Variants in NCALD observed in about 807,000 individuals in gnomAD.
NCALD encodes the protein neurocalcin-delta.
In NCALD, 10 loss-of-function variants were observed where a neutral mutation model predicts 18.6. That is an observed-to-expected ratio of 0.54 (90% CI 0.33 to 0.91). NCALD has a LOEUF of 0.91. Ranked by LOEUF, NCALD falls within the 40% of genes least tolerant of loss-of-function variation. NCALD has a pLI of 0.03. For missense variants in NCALD, 184 were observed against 247.6 expected (o/e 0.74, Z 1.72); for synonymous variants, 88 against 87.4 (o/e 1.01, Z -0.04).
chr8:102,063,940 C>T (rs1268639068), intron 1 of NCALD, among the ~76,000 whole-genome samples: 2 of 152,222 alleles, frequency 1.3e-5, no homozygotes, highest in South Asian at 2.1e-4. Flanking sequence ...AATTGCCCCA[C>T]TTCCTTTTGA....
intron 2 of NCALD, among the ~76,000 whole-genome samples, chr8:101,945,887 A>T (rs1819149688): frequency 1.3e-5 from 2 of 152,198 alleles, no homozygotes; most frequent in Non-Finnish European, 2.9e-5. Context: ...TTCCATTTAG[A>T]AAAAAGTTCT....
intron 2 of NCALD, chr8:101,915,921 G>C (rs1817956557): frequency 1.3e-5 from 2 of 152,176 alleles, no homozygotes; most frequent in Non-Finnish European, 2.9e-5. Flanking sequence ...TCTTTGTCCT[G>C]AGGTCATTAT....
chr8:102,027,887 A>T (rs1355233025), intron 1 of NCALD, among the ~76,000 whole-genome samples: 1 of 152,130 alleles, frequency 6.6e-6, no homozygotes, highest in African/African-American at 2.4e-5. Context: ...GCCCCTGATA[A>T]ATTCATCAGA....
intron 2 of NCALD, among the ~76,000 whole-genome samples, chr8:101,958,426 G>T (rs1819715751): frequency 6.6e-6 from 1 of 152,074 alleles, no homozygotes; most frequent in Non-Finnish European, 1.5e-5. Flanking sequence ...ACTGATGTAG[G>T]GAGGAATCGA....
intron 1 of NCALD, among the ~76,000 whole-genome samples, chr8:101,733,307 C>T (rs1010588251): frequency 1.3e-5 from 2 of 152,196 alleles, no homozygotes; most frequent in Non-Finnish European, 2.9e-5. Context: ...TTGCTCCCCC[C>T]AGCAAGGTGT....
intron 2 of NCALD, among the ~76,000 whole-genome samples, chr8:101,959,297 G>A (rs938518233): frequency 5.9e-5 from 9 of 151,932 alleles, no homozygotes; most frequent in Admixed American, 5.9e-4. Context: ...TGCATCTTTG[G>A]TGGTAACATC....
At chr8:101,801,821 C>T (rs2078117087) in intron 4 of NCALD, among the ~76,000 whole-genome samples, 2 of 151,760 alleles carry the variant, frequency 1.3e-5, no homozygotes, top group African/African-American at 2.4e-5. Context: ...TGCCCGCCAC[C>T]ATGCCCAGCT....
At chr8:101,846,102 T>A (rs1814858033) in intron 4 of NCALD, among the ~76,000 whole-genome samples, 1 of 152,236 alleles carries the variant, frequency 6.6e-6, no homozygotes, top group Non-Finnish European at 1.5e-5. Context: ...TGATTCCATA[T>A]CTTGGCTACT....
chr8:102,022,699 A>G (rs1482691191), intron 1 of NCALD, among the ~76,000 whole-genome samples: 1 of 152,180 alleles, frequency 6.6e-6, no homozygotes, highest in Admixed American at 6.5e-5. Flanking sequence ...TCAGAACATA[A>G]TCAACATGAT....
intron 4 of NCALD, among the ~76,000 whole-genome samples, chr8:101,827,955 G>A (rs1814008780): frequency 6.6e-6 from 1 of 152,184 alleles, no homozygotes; most frequent in South Asian, 2.1e-4. Context: ...ATTTTGTAGG[G>A]CTGAGGCATT....
chr8:101,976,889 A>G (rs1820442429), intron 2 of NCALD, among the ~76,000 whole-genome samples: 1 of 152,130 alleles, frequency 6.6e-6, no homozygotes, highest in Non-Finnish European at 1.5e-5. Flanking sequence ...AGAAACACAG[A>G]CACTATGAGA....
In NCALD at chr8:101,701,178, A is replaced by G. The variant is rs140765941; in HGVS notation, c.379-8282T>C. ...TCCCTTCCCACGGCATCAACAACCG[A>G]GAGCTGATTGTATCAGAACTTTAAA... On this transcript the variant is annotated intron_variant, in intron 2 of 3. Coordinates refer to ENST00000220931, the MANE Select transcript of NCALD (RefSeq NM_032041.3). Among the ~76,000 whole-genome samples the G allele has an allele frequency of 2.0e-5, 3 of 152,304 alleles. No homozygotes were observed. In the East Asian group the frequency reaches 5.8e-4, roughly 29 times the overall value.
At chr8:101,826,410 A>T (rs1356484338) in intron 4 of NCALD, among the ~76,000 whole-genome samples, 1 of 149,834 alleles carries the variant, frequency 6.7e-6, no homozygotes, top group African/African-American at 2.5e-5. Flanking sequence ...CCCATGATTC[A>T]GGGGTTAGAG....
At chr8:101,778,504 T>A (rs1811885843) in intron 1 of NCALD, among the ~76,000 whole-genome samples, 1 of 152,072 alleles carries the variant, frequency 6.6e-6, no homozygotes, top group Admixed American at 6.6e-5. Context: ...GTAATACTTT[T>A]AGGGATATTT....
At chr8:102,009,373 G>A (rs1370361790) in intron 2 of NCALD, among the ~76,000 whole-genome samples, 1 of 152,186 alleles carries the variant, frequency 6.6e-6, no homozygotes, top group Non-Finnish European at 1.5e-5. Context: ...GAAGGGGAGA[G>A]GTTGCCTGTG....
chr8:101,836,073 A>T (rs1284929678), intron 4 of NCALD, among the ~76,000 whole-genome samples: 1 of 152,116 alleles, frequency 6.6e-6, no homozygotes, highest in East Asian at 1.9e-4. Context: ...TTTCCCACTG[A>T]AGGGACGGGG....
At chr8:102,064,400 T>A (rs920971221) in intron 1 of NCALD, among the ~76,000 whole-genome samples, 2 of 152,222 alleles carry the variant, frequency 1.3e-5, no homozygotes, top group African/African-American at 2.4e-5. Flanking sequence ...CTGAAACAGG[T>A]GCCACCAGGG....
intron 1 of NCALD, among the ~76,000 whole-genome samples, chr8:102,097,286 A>G (rs16869085): frequency 0.087 from 13,285 of 152,244 alleles, 1,539 homozygotes; most frequent in African/African-American, 0.27. Context: ...CAGTTCATTC[A>G]TGGCATCTAA....
At chr8:101,812,406 CT>C (rs1340860807) in intron 4 of NCALD, among the ~76,000 whole-genome samples, 34 of 152,100 alleles carry the variant, frequency 2.2e-4, no homozygotes, top group Admixed American at 2.0e-4. Flanking sequence ...AGCTCAGCAA[CT>C]TAACTAAAGA....
Sources: allele counts gnomAD v4.1 joint callset (sites outside exome capture counted in the v4.1 genomes callset), GRCh38; gene constraint gnomAD v4.1.1; transcripts MANE v1.5; gene names NCBI Gene and HGNC (gene_info 2026-07-23, HGNC 2026-07-21).